The following TMEM117 variants were observed in gnomAD, a reference collection of about 807,000 sequenced individuals.
TMEM117 encodes transmembrane protein 117.
TMEM117 carries 27 observed loss-of-function variants against 52.4 expected under a neutral mutation model. That is an observed-to-expected ratio of 0.51 (90% CI 0.38 to 0.71). The LOEUF (loss-of-function observed/expected upper bound fraction) is 0.71, where lower values mean the gene tolerates loss of function less well. TMEM117 is among the 30% of genes least tolerant of loss of function. The pLI is 0.00. For synonymous variants in TMEM117, 215 were observed against 206.3 expected (o/e 1.04, Z -0.36); for missense variants, 556 against 630.5 (o/e 0.88, Z 1.26).
chr12:43,813,231 G>GTTTTTTTTTTTTTTTTTTTTTT, the TMEM117 span, among the ~76,000 whole-genome samples: 77 of 62,666 alleles, frequency 1.2e-3, 8 homozygotes, highest in Non-Finnish European at 1.8e-3. Context: ...GTTTTCTCTT[G>GTTTTTTTTTTTTTTTTTTTTTT]TTTTTTTTTT....
the TMEM117 span, among the ~76,000 whole-genome samples, chr12:43,828,848 T>G: frequency 6.6e-6 from 1 of 152,218 alleles, no homozygotes; most frequent in African/African-American, 2.4e-5. Flanking sequence ...TCTTCGTCTT[T>G]CCCTCCTTTC....
intron 3 of TMEM117, among the ~76,000 whole-genome samples, chr12:44,140,192 G>A (rs1182096729): frequency 2.0e-5 from 3 of 152,068 alleles, no homozygotes; most frequent in Non-Finnish European, 2.9e-5. Context: ...ATTACTCTGG[G>A]TGAATACAGG....
rs560829036 is a variant in TMEM117 at position 43,963,706 on chromosome 12, A to G, written c.410+19364A>G. ...GTAAGAATTTAGGACTAGAAGATGC[A>G]AGTCAAGGTTGGCATGATTGGAGAT... On this transcript the variant is annotated intron_variant, in intron 3 of 7. Transcript: ENST00000266534. Among the ~76,000 whole-genome samples, 36 of 152,368 alleles carry G rather than the reference A, an allele frequency of 2.4e-4. 1 individual carries two copies. The highest frequency in any genetic ancestry group is 8.2e-4 in the African/African-American group (34 of 41,596).
intron 2 of TMEM117, among the ~76,000 whole-genome samples, chr12:43,904,933 C>T (rs551930065): frequency 3.9e-4 from 59 of 152,228 alleles, no homozygotes; most frequent in Admixed American, 3.5e-3. Flanking sequence ...CACCTGAGGT[C>T]GGGAGTTCGA....
At chr12:44,307,884 A>T (rs377538230) in intron 6 of TMEM117, among the ~76,000 whole-genome samples, 3 of 152,342 alleles carry the variant, frequency 2.0e-5, no homozygotes, top group Admixed American at 6.5e-5. Context: ...CATTGGGTTT[A>T]TCAGGCAAAA....
At chr12:44,328,338 T>A (rs965271668) in intron 6 of TMEM117, among the ~76,000 whole-genome samples, 1 of 145,970 alleles carries the variant, frequency 6.9e-6, no homozygotes. Flanking sequence ...TGACTCAAAT[T>A]GAATTGAATT....
chr12:43,969,154 A>C (rs1308957370), intron 3 of TMEM117, among the ~76,000 whole-genome samples: 2 of 151,968 alleles, frequency 1.3e-5, no homozygotes, highest in African/African-American at 4.8e-5. Context: ...TGTCAAGAAA[A>C]GATAGAAGCA....
intron 6 of TMEM117, among the ~76,000 whole-genome samples, chr12:44,350,128 T>C (rs1768050356): frequency 6.6e-6 from 1 of 152,042 alleles, no homozygotes; most frequent in African/African-American, 2.4e-5. Flanking sequence ...TCAGAAGTAA[T>C]TAATTTCTGG....
chr12:43,939,087 A>C (rs1407569077), intron 2 of TMEM117, among the ~76,000 whole-genome samples: 1 of 152,198 alleles, frequency 6.6e-6, no homozygotes, highest in Non-Finnish European at 1.5e-5. Flanking sequence ...AATCTAGTTT[A>C]AATTTAGTTT....
At chr12:43,971,217 T>A (rs1274273553) in intron 3 of TMEM117, among the ~76,000 whole-genome samples, 1 of 152,224 alleles carries the variant, frequency 6.6e-6, no homozygotes, top group Non-Finnish European at 1.5e-5. Context: ...TCCTTATTAT[T>A]TCTTTCTTGG....
intron 3 of TMEM117, among the ~76,000 whole-genome samples, chr12:44,098,139 A>G (rs1294419748): frequency 6.6e-6 from 1 of 152,116 alleles, no homozygotes; most frequent in Non-Finnish European, 1.5e-5. Context: ...GCAAACATAG[A>G]AAAAGGTGAG....
intron 2 of TMEM117, among the ~76,000 whole-genome samples, chr12:43,897,443 C>T (rs1445334338): frequency 6.6e-6 from 1 of 151,762 alleles, no homozygotes; most frequent in Non-Finnish European, 1.5e-5. Context: ...TCCTGAGTAG[C>T]TGGGACTACA....
Position 43,996,642 on chromosome 12 carries a change from C to CAATAAATAAATAAATA in TMEM117, c.410+52316_410+52331dup, listed in dbSNP as rs71091192. 2.2e-3 allele frequency among the ~76,000 whole-genome samples: 314 copies of CAATAAATAAATAAATA among 145,302 alleles called. 3 individuals carry two copies. In the East Asian group the frequency reaches 0.024, roughly 11 times the overall value. On this transcript the variant is annotated intron_variant, in intron 3 of 7. Transcript: ENST00000266534. ...TGGGCCACAGAGCAAGACTCCATCT[C>CAATAAATAAATAAATA]AATAAATAAATAAATAAATAAATAA...
At chr12:43,945,807 C>G (rs1488096621) in intron 3 of TMEM117, among the ~76,000 whole-genome samples, 1 of 152,050 alleles carries the variant, frequency 6.6e-6, no homozygotes, top group Non-Finnish European at 1.5e-5. Flanking sequence ...TAAATGTAGG[C>G]TAGGCAGGAT....
At chr12:44,255,916 C>CTATAG (rs1194535509) in intron 5 of TMEM117, among the ~76,000 whole-genome samples, 2 of 151,956 alleles carry the variant, frequency 1.3e-5, no homozygotes, top group Non-Finnish European at 2.9e-5. Context: ...TTACTGGACA[C>CTATAG]TGATGATAAC....
chr12:43,886,728 G>A (rs1449106371), intron 2 of TMEM117, among the ~76,000 whole-genome samples: 1 of 152,092 alleles, frequency 6.6e-6, no homozygotes, highest in Admixed American at 6.5e-5. Flanking sequence ...TATTTCATTA[G>A]TCAGGTATTA....
chr12:44,159,708 GTATAT>G (rs1478360771), intron 4 of TMEM117, among the ~76,000 whole-genome samples: 1 of 152,034 alleles, frequency 6.6e-6, no homozygotes, highest in African/African-American at 2.4e-5. Flanking sequence ...CTAAACATAA[GTATAT>G]TTATGGTTCT....
At chr12:44,124,463 G>A (rs1179887934) in intron 3 of TMEM117, among the ~76,000 whole-genome samples, 1 of 152,182 alleles carries the variant, frequency 6.6e-6, no homozygotes, top group Non-Finnish European at 1.5e-5. Context: ...ATGAGAGAGG[G>A]CAACCTTGTC....
chr12:43,910,208 G>A (rs372068894), intron 2 of TMEM117, among the ~76,000 whole-genome samples: 36 of 151,734 alleles, frequency 2.4e-4, no homozygotes, highest in South Asian at 2.3e-3. Context: ...ATCAATAAAT[G>A]TAATCCAGCA....
Sources: gnomAD v4.1 joint callset for allele counts (sites outside exome capture counted in the v4.1 genomes callset) on GRCh38, gnomAD v4.1.1 for gene constraint, MANE v1.5 for transcripts, NCBI Gene and HGNC (gene_info 2026-07-23, HGNC 2026-07-21) for gene names.